EXOC4: variants seen among roughly 807,000 people sequenced by gnomAD.
EXOC4 encodes the protein SEC8-like 1.
EXOC4 carries 71 observed loss-of-function variants against 107.2 expected under a neutral mutation model. That is an observed-to-expected ratio of 0.66 (90% CI 0.55 to 0.81). EXOC4 has a LOEUF of 0.81. Ranked by LOEUF, EXOC4 falls within the 30% of genes least tolerant of loss-of-function variation. The probability of loss-of-function intolerance (pLI) is 0.00; values close to 1 mark genes in which losing one functional copy is unlikely to be tolerated. For synonymous variants in EXOC4, 456 were observed against 441.2 expected, an observed-to-expected ratio of 1.03 and a Z score of -0.42; for missense variants, 1,108 against 1,189.6, an observed-to-expected ratio of 0.93 and a Z score of 1.01.
At chr7:134,039,363 T>C (rs901499203) in intron 17 of EXOC4, among the ~76,000 whole-genome samples, 8 of 152,134 alleles carry the variant, frequency 5.3e-5, no homozygotes, top group African/African-American at 1.7e-4. Flanking sequence ...TGTGTTTATA[T>C]AGATGTGAAT....
At chr7:133,413,171 G>A (rs1797401345) in intron 7 of EXOC4, among the ~76,000 whole-genome samples, 1 of 152,026 alleles carries the variant, frequency 6.6e-6, no homozygotes, top group Non-Finnish European at 1.5e-5. Flanking sequence ...GACCTATTTC[G>A]GAATGATTTC....
chr7:133,651,784 A>G (rs1352419911), intron 10 of EXOC4, among the ~76,000 whole-genome samples: 1 of 152,142 alleles, frequency 6.6e-6, no homozygotes, highest in Non-Finnish European at 1.5e-5. Flanking sequence ...TCCCAGGTTC[A>G]AGGGATTCTC....
chr7:134,040,633 A>C (rs982008393), intron 17 of EXOC4, among the ~76,000 whole-genome samples: 6 of 152,244 alleles, frequency 3.9e-5, no homozygotes, highest in African/African-American at 1.4e-4. Context: ...GGAATTGAAG[A>C]GCAATAAAGG....
intron 14 of EXOC4, among the ~76,000 whole-genome samples, chr7:133,994,274 TC>T (rs2116262590): frequency 6.6e-6 from 1 of 152,308 alleles, no homozygotes; most frequent in South Asian, 2.1e-4. Flanking sequence ...TTCATCGATG[TC>T]CCTGCAAAGG....
chr7:133,717,346 G>A (rs1038247652), intron 10 of EXOC4, among the ~76,000 whole-genome samples: 3 of 152,162 alleles, frequency 2.0e-5, no homozygotes, highest in African/African-American at 4.8e-5. Flanking sequence ...AAGAGTTGGT[G>A]TATTTCTCAT....
chr7:133,373,290 A>G (rs1359091068), intron 6 of EXOC4, among the ~76,000 whole-genome samples: 1 of 152,230 alleles, frequency 6.6e-6, no homozygotes. Context: ...ATTATTTTAG[A>G]TATATGTGAG....
chr7:133,535,515 T>C (rs867946353), intron 9 of EXOC4, among the ~76,000 whole-genome samples: 30 of 152,296 alleles, frequency 2.0e-4, no homozygotes, highest in Middle Eastern at 3.4e-3. Context: ...GGAAACACTG[T>C]AGAAAGCAAG....
At chr7:133,646,896 A>C (rs1803006727) in intron 10 of EXOC4, among the ~76,000 whole-genome samples, 1 of 152,198 alleles carries the variant, frequency 6.6e-6, no homozygotes, top group African/African-American at 2.4e-5. Flanking sequence ...GACAGCTCGA[A>C]GCCTTTCCTA....
chr7:133,856,977 G>A (rs1335857057), intron 11 of EXOC4, among the ~76,000 whole-genome samples: 6 of 149,516 alleles, frequency 4.0e-5, no homozygotes, highest in South Asian at 2.1e-4. Flanking sequence ...CATGCCTGTA[G>A]TCCCAGCTAC....
chr7:133,380,838 G>A (rs924803095), intron 7 of EXOC4, among the ~76,000 whole-genome samples: 1 of 152,166 alleles, frequency 6.6e-6, no homozygotes, highest in Non-Finnish European at 1.5e-5. Flanking sequence ...AACTGAAACC[G>A]TTCTAATGAA....
rs115443750 is a variant in EXOC4 at position 133,854,209 on chromosome 7, C to T, written c.1734+36665C>T. On this transcript the variant is annotated intron_variant, in intron 11 of 17. Transcript: ENST00000253861. ...CACTTTACACATGCCTCTGCAGACA[C>T]GAGCTGTCCAGCTCCCTGTTCCTCA... Among the ~76,000 whole-genome samples the T allele has an allele frequency of 2.4e-3, 370 of 152,206 alleles. 7 individuals carry two copies. Among genetic ancestry groups the T allele is most frequent in the African/African-American group, 8.3e-3 (344 of 41,512 alleles).
At chr7:133,391,426 G>C (rs1796850666) in intron 7 of EXOC4, among the ~76,000 whole-genome samples, 3 of 152,234 alleles carry the variant, frequency 2.0e-5, no homozygotes, top group Admixed American at 1.3e-4. Context: ...TCGTCACCGA[G>C]CTGGGCTGAT....
chr7:133,954,301 T>C (rs1231294854), intron 14 of EXOC4, among the ~76,000 whole-genome samples: 4 of 152,214 alleles, frequency 2.6e-5, no homozygotes, highest in African/African-American at 9.6e-5. Context: ...AAGGATATTA[T>C]TTGGAATACG....
intron 5 of EXOC4, among the ~76,000 whole-genome samples, chr7:133,332,629 A>G (rs1246647952): frequency 1.3e-5 from 2 of 152,346 alleles, no homozygotes; most frequent in Non-Finnish European, 2.9e-5. Context: ...TTGAAAAAAT[A>G]TATTTGTATA....
intron 11 of EXOC4, among the ~76,000 whole-genome samples, chr7:133,836,360 A>G (rs1244697203): frequency 6.6e-6 from 1 of 152,174 alleles, no homozygotes; most frequent in East Asian, 1.9e-4. Context: ...AAGATGACAT[A>G]TCTGGTAAAT....
chr7:133,637,924 GA>G (rs905909461), intron 10 of EXOC4, among the ~76,000 whole-genome samples: 12 of 152,060 alleles, frequency 7.9e-5, no homozygotes, highest in Admixed American at 2.6e-4. Context: ...AGCCAGTCAA[GA>G]TATCAACCCA....
chr7:133,678,775 T>TA (rs1794121472), intron 10 of EXOC4, among the ~76,000 whole-genome samples: 1 of 151,436 alleles, frequency 6.6e-6, no homozygotes, highest in East Asian at 1.9e-4. Flanking sequence ...CACACCTGGG[T>TA]AGTGTTTTTT....
At chr7:133,564,363 A>C (rs1338023553) in intron 9 of EXOC4, among the ~76,000 whole-genome samples, 2 of 152,154 alleles carry the variant, frequency 1.3e-5, no homozygotes, top group Admixed American at 6.5e-5. Context: ...TCATGAGAAC[A>C]GCACCACAGG....
chr7:133,950,046 T>C (rs1342066242), intron 14 of EXOC4, among the ~76,000 whole-genome samples: 1 of 152,206 alleles, frequency 6.6e-6, no homozygotes, highest in Non-Finnish European at 1.5e-5. Flanking sequence ...ATGTATTCTC[T>C]ATCTCTTTGG....
Sources: allele counts gnomAD v4.1 joint callset (sites outside exome capture counted in the v4.1 genomes callset), GRCh38; gene constraint gnomAD v4.1.1; transcripts MANE v1.5; gene names NCBI Gene and HGNC (gene_info 2026-07-23, HGNC 2026-07-21).